PRKCA: variants seen among roughly 807,000 people sequenced by gnomAD.
The protein encoded by PRKCA is protein kinase C alpha type.
PRKCA carries 27 observed loss-of-function variants against 87.0 expected under a neutral mutation model. That is an observed-to-expected ratio of 0.31 (90% CI 0.23 to 0.43). The LOEUF is 0.43. Ranked by LOEUF, PRKCA falls within the 20% of genes least tolerant of loss-of-function variation. The pLI, the probability that PRKCA is intolerant of heterozygous loss-of-function variation, is 1.00. For synonymous variants in PRKCA, 329 were observed against 311.1 expected, an observed-to-expected ratio of 1.06 and a Z score of -0.61; for missense variants, 518 against 852.3, an observed-to-expected ratio of 0.61 and a Z score of 4.88.
rs75125831 is a variant in PRKCA, at chr17:66,803,031, T to C, written c.1855-842T>C. ...GTGGCTGACAAGGTGAAGAGAACAC[T>C]CCTTCCCCACTTTTGGGGTCAGGCT... On this transcript the variant is annotated intron_variant, in intron 16 of 16. Transcript: ENST00000413366. The surrounding 1 kb of genome is among the most constrained non-coding windows in gnomAD (Gnocchi z 4.4). 6.8e-3 allele frequency among the ~76,000 whole-genome samples: 1,041 copies of C among 152,222 alleles called. 16 individuals are homozygous for C. The highest frequency in any genetic ancestry group is 0.024 in the African/African-American group (1,009 of 41,524).
chr17:66,735,347 C>A, intron 9 of PRKCA, 142 bp from the exon 10 acceptor site: 1 of 846,002 alleles, frequency 1.2e-6, no homozygotes, highest in Non-Finnish European at 1.9e-6. Context: ...TACAAATTTG[C>A]ACATAAAGTT....
At position 66,689,583 on chromosome 17, in the gene PRKCA, T is replaced by C. The variant is rs1972724017; in HGVS notation, c.918+536T>C. Among the ~76,000 whole-genome samples the C allele has an allele frequency of 6.6e-6, 1 of 152,222 alleles. No individual in the cohort carries two copies. Among genetic ancestry groups the C allele is most frequent in the Admixed American group, 6.5e-5 (1 of 15,276 alleles). On this transcript the variant is annotated intron_variant, in intron 8 of 16. Transcript: ENST00000413366. The surrounding 1 kb of genome is among the most constrained non-coding windows in gnomAD (Gnocchi z 4.1). The stretch of plus-strand genomic sequence containing the variant: ...ATGTTTAGCAAAGGCCACCTCCTTC[T>C]CTTCTTCCTCTTGGTATTTGTGTTT...
At chr17:66,351,669 C>G (rs905121651) in intron 2 of PRKCA, among the ~76,000 whole-genome samples, 1 of 152,088 alleles carries the variant, frequency 6.6e-6, no homozygotes, top group African/African-American at 2.4e-5. Context: ...ACTTTTTAAA[C>G]GATTAAACAT....
intron 3 of PRKCA, among the ~76,000 whole-genome samples, chr17:66,635,513 A>G (rs902488140): frequency 1.1e-4 from 16 of 152,320 alleles, no homozygotes; most frequent in Admixed American, 7.2e-4. Context: ...TGGAAACAGC[A>G]GTGTGTTTCC....
At chr17:66,394,196 C>CT (rs1407085566) in intron 2 of PRKCA, among the ~76,000 whole-genome samples, 3 of 152,000 alleles carry the variant, frequency 2.0e-5, no homozygotes, top group Non-Finnish European at 2.9e-5. Flanking sequence ...AAAGAAATGT[C>CT]TTTTTTTTGA....
chr17:66,367,313 A>G (rs183758502), intron 2 of PRKCA, among the ~76,000 whole-genome samples: 2 of 152,228 alleles, frequency 1.3e-5, no homozygotes, highest in African/African-American at 4.8e-5. Flanking sequence ...AACCTGAGCT[A>G]AGAAAAAGCC....
chr17:66,345,500 G>A (rs913283313), intron 2 of PRKCA, among the ~76,000 whole-genome samples: 9 of 152,106 alleles, frequency 5.9e-5, no homozygotes, highest in Admixed American at 5.9e-4. Context: ...GCCAATAGAG[G>A]CAGCTTCCAG....
chr17:66,577,930 G>T (rs143416585), intron 3 of PRKCA, among the ~76,000 whole-genome samples: 4 of 152,036 alleles, frequency 2.6e-5, no homozygotes, highest in Admixed American at 6.6e-5. Context: ...TCCGACCCCT[G>T]TCACCCTGCC....
chr17:66,340,550 A>T (rs932743215), intron 2 of PRKCA, among the ~76,000 whole-genome samples: 1 of 152,056 alleles, frequency 6.6e-6, no homozygotes, highest in African/African-American at 2.4e-5. Flanking sequence ...AATTTGGCGT[A>T]AGTGTGATCA....
chr17:66,724,602 T>C (rs78764138), intron 8 of PRKCA, among the ~76,000 whole-genome samples: 151 of 152,336 alleles, frequency 9.9e-4, no homozygotes, highest in African/African-American at 2.9e-3. Context: ...GGACATTCTG[T>C]GTTTCTGCAT....
At chr17:66,544,009 C>T (rs567157271) in intron 3 of PRKCA, among the ~76,000 whole-genome samples, 4 of 152,190 alleles carry the variant, frequency 2.6e-5, no homozygotes, top group East Asian at 1.9e-4. Flanking sequence ...GTCAGGAGTT[C>T]GAGACCAGCC....
intron 8 of PRKCA, among the ~76,000 whole-genome samples, chr17:66,704,195 G>A (rs1973137401): frequency 6.7e-6 from 1 of 150,056 alleles, no homozygotes; most frequent in Non-Finnish European, 1.5e-5. Context: ...GTTAAGTTCA[G>A]AACTGGGCTT....
intron 2 of PRKCA, among the ~76,000 whole-genome samples, chr17:66,430,274 A>G (rs1208554779): frequency 2.6e-5 from 4 of 151,916 alleles, no homozygotes; most frequent in African/African-American, 7.2e-5. Flanking sequence ...CACCGAATAC[A>G]GGGGGCAGAG....
chr17:66,332,908 G>A (rs909902617), intron 2 of PRKCA, among the ~76,000 whole-genome samples: 1 of 152,082 alleles, frequency 6.6e-6, no homozygotes, highest in Non-Finnish European at 1.5e-5. Flanking sequence ...AGCCAGGATG[G>A]TCTCAATCTC....
intron 15 of PRKCA, among the ~76,000 whole-genome samples, chr17:66,787,415 C>G (rs769080594): frequency 6.6e-6 from 1 of 152,200 alleles, no homozygotes; most frequent in Non-Finnish European, 1.5e-5. Flanking sequence ...CACCTAATGA[C>G]TGTACCGCAC....
intron 2 of PRKCA, among the ~76,000 whole-genome samples, chr17:66,470,330 A>T (rs1170139580): frequency 9.1e-6 from 1 of 110,026 alleles, no homozygotes; most frequent in East Asian, 3.2e-4. Context: ...GGTTCAAGCG[A>T]TTCTCCTGCC....
At chr17:66,411,430 A>C (rs1292036511) in intron 2 of PRKCA, among the ~76,000 whole-genome samples, 3 of 152,066 alleles carry the variant, frequency 2.0e-5, no homozygotes, top group African/African-American at 7.2e-5. Flanking sequence ...AGATGTTTTG[A>C]GATTATCTGT....
chr17:66,621,755 C>A (rs1970687357), intron 3 of PRKCA, among the ~76,000 whole-genome samples: 1 of 152,100 alleles, frequency 6.6e-6, no homozygotes, highest in Non-Finnish European at 1.5e-5. Flanking sequence ...CCTCTAGGTG[C>A]ATACGTCCCA....
At chr17:66,694,032 T>C (rs1972852480) in intron 8 of PRKCA, among the ~76,000 whole-genome samples, 1 of 152,162 alleles carries the variant, frequency 6.6e-6, no homozygotes, top group African/African-American at 2.4e-5. Flanking sequence ...GTTTTTCTAT[T>C]AGTTATAAAT....
Sources: allele counts gnomAD v4.1 joint callset (sites outside exome capture counted in the v4.1 genomes callset), GRCh38; gene constraint gnomAD v4.1.1; non-coding constraint Gnocchi (gnomAD v3.1); transcripts MANE v1.5; gene names NCBI Gene and HGNC (gene_info 2026-07-23, HGNC 2026-07-21).